The following ADCY1 variants were observed in gnomAD, a reference collection of about 807,000 sequenced individuals.
The protein encoded by ADCY1 is adenylate cyclase 1.
Under a neutral mutation model 105.4 loss-of-function variants are expected in ADCY1, and 28 were observed. The observed-to-expected ratio is 0.27, with a 90% confidence interval of 0.20 to 0.36. ADCY1 has a LOEUF of 0.36. ADCY1 is among the 10% of genes least tolerant of loss of function. The probability of loss-of-function intolerance (pLI) is 1.00; values close to 1 mark genes in which losing one functional copy is unlikely to be tolerated. For synonymous variants in ADCY1, 655 were observed against 623.8 expected, an observed-to-expected ratio of 1.05 and a Z score of -0.75; for missense variants, 977 against 1,434.2, an observed-to-expected ratio of 0.68 and a Z score of 5.15.
chr7:45,583,432 G>C (rs1792622581), intron 1 of ADCY1, among the ~76,000 whole-genome samples: 1 of 152,230 alleles, frequency 6.6e-6, no homozygotes, highest in African/African-American at 2.4e-5. Context: ...AGCACATTCT[G>C]AATCTGAGCA....
In ADCY1 at chr7:45,574,762, C is replaced by A. The variant is rs1309914397; in HGVS notation, c.219C>A (p.Gly73=). The A allele has an allele frequency of 1.4e-6, 2 of 1,435,484 alleles. No homozygotes were observed. Among genetic ancestry groups the A allele is most frequent in the Admixed American group, 3.2e-5 (1 of 30,890 alleles). 88.9% of individuals were successfully genotyped at this position (1,435,484 alleles called of 1,614,324 possible). The change falls in exon 1 of 20, where the codon GGC becomes GGA. Residue 73 remains glycine, a synonymous_variant. Transcript: ENST00000297323. The surrounding 1 kb of genome is among the most constrained non-coding windows in gnomAD (Gnocchi z 7.0). ...KALAVLSLLA[G]ALALAELLGA... ...TGGCCGTTCTCAGCCTGCTGGCGGG[C>A]GCGCTGGCGCTGGCCGAGCTGCTGG...
intron 11 of ADCY1, among the ~76,000 whole-genome samples, chr7:45,683,971 A>G (rs1251809627): frequency 6.6e-6 from 1 of 152,224 alleles, no homozygotes; most frequent in Admixed American, 6.5e-5. Context: ...AAGCGGGGGA[A>G]GCAGATGATG....
At chr7:45,605,023 A>G (rs1234435101) in intron 2 of ADCY1, among the ~76,000 whole-genome samples, 1 of 152,196 alleles carries the variant, frequency 6.6e-6, no homozygotes, top group Non-Finnish European at 1.5e-5. Context: ...GGTTTTTAAC[A>G]TACAAATCCT....
At chr7:45,711,769 A>G (rs1785243683) in intron 19 of ADCY1, among the ~76,000 whole-genome samples, 1 of 141,854 alleles carries the variant, frequency 7.0e-6, no homozygotes, top group East Asian at 2.0e-4. Flanking sequence ...ATATATGTGT[A>G]TATATACAGC....
intron 16 of ADCY1, among the ~76,000 whole-genome samples, chr7:45,704,063 T>TG (rs1785056897): frequency 6.6e-6 from 1 of 152,100 alleles, no homozygotes; most frequent in Non-Finnish European, 1.5e-5. Context: ...GGCAGGCAGG[T>TG]GGGTGCCTCC....
chr7:45,687,862 G>T (rs1784714487), intron 14 of ADCY1, among the ~76,000 whole-genome samples: 1 of 152,182 alleles, frequency 6.6e-6, no homozygotes, highest in Non-Finnish European at 1.5e-5. Flanking sequence ...GGCCAGGCAG[G>T]ACAAGAGCAT....
chr7:45,659,516 T>C (rs1795033675), intron 6 of ADCY1, among the ~76,000 whole-genome samples: 1 of 152,098 alleles, frequency 6.6e-6, no homozygotes, highest in Non-Finnish European at 1.5e-5. Context: ...GAAGATTGGG[T>C]TGGGGAGGCG....
rs1226135178 is a variant in ADCY1, at chr7:45,574,621, G to A, written c.78G>A (p.Gly26=). 4.2e-6 allele frequency: 5 copies of A among 1,186,600 alleles called. No homozygotes were observed. The East Asian group carries it at 1.5e-4, about 35-fold the overall frequency. The allele number at this position is 1,186,600 out of a possible 1,614,324, so 73.5% of individuals were successfully genotyped here. ...CCGGGGGCGCCGAGCGGGCGGCCGG[G>A]ACAAGCCGCCGGCGCGGGCTCCGGG... ...GEPGGAERAA[G]TSRRRGLRAC... Residue 26 remains glycine (G), a synonymous_variant, in exon 1 of 20, where the codon GGG becomes GGA. Coordinates refer to ENST00000297323, the MANE Select transcript of ADCY1 (RefSeq NM_021116.4). This position sits in a 1 kb window ranked among gnomAD's most constrained non-coding sequence, Gnocchi z 7.0.
rs1220973365 is a variant in ADCY1 at position 45,703,149 on chromosome 7, T to C, written c.2455-227T>C. Reference sequence around the variant, plus strand: ...TGAGGTGAAGCCATAGTTTGTCCTTTGGACATTCTAGCAGATGAGGTGGTG... The same window carrying C: ...TGAGGTGAAGCCATAGTTTGTCCTTCGGACATTCTAGCAGATGAGGTGGTG... On this transcript the variant is annotated intron_variant, in intron 14 of 19. Transcript: ENST00000297323. The surrounding 1 kb of genome is among the most constrained non-coding windows in gnomAD (Gnocchi z 5.9). 6.6e-6 allele frequency among the ~76,000 whole-genome samples: 1 copy of C among 152,162 alleles called. No homozygotes were observed. The highest frequency in any genetic ancestry group is 1.5e-5 in the Non-Finnish European group (1 of 68,032).
intron 1 of ADCY1, among the ~76,000 whole-genome samples, chr7:45,585,808 G>A (rs1343595407): frequency 6.6e-6 from 1 of 152,130 alleles, no homozygotes; most frequent in East Asian, 1.9e-4. Context: ...GTCAGAAATG[G>A]GCAGTGCCTG....
chr7:45,711,719 A>G (rs1331606976), intron 19 of ADCY1, among the ~76,000 whole-genome samples: 1 of 143,304 alleles, frequency 7.0e-6, no homozygotes, highest in Non-Finnish European at 1.5e-5. Flanking sequence ...ATATGTGTGT[A>G]TATACATATA....
intron 14 of ADCY1, among the ~76,000 whole-genome samples, chr7:45,694,004 T>C (rs1000522723): frequency 1.6e-5 from 2 of 127,982 alleles, no homozygotes; most frequent in African/African-American, 3.0e-5. Context: ...TTGGGAGACA[T>C]ACCTAATGCT....
At chr7:45,696,270 C>T (rs948803567) in intron 14 of ADCY1, among the ~76,000 whole-genome samples, 1 of 151,834 alleles carries the variant, frequency 6.6e-6, no homozygotes, top group African/African-American at 2.4e-5. Context: ...AATCCCGTCT[C>T]TACTAAAAAA....
chr7:45,620,256 G>T (rs973595178), intron 3 of ADCY1, among the ~76,000 whole-genome samples: 4 of 152,066 alleles, frequency 2.6e-5, no homozygotes, highest in African/African-American at 9.7e-5. Context: ...AAGAAATGGG[G>T]AATTACCAGT....
At chr7:45,664,430 C>T (rs1795215286) in intron 8 of ADCY1, 4 of 1,534,686 alleles carry the variant, frequency 2.6e-6, no homozygotes, top group Non-Finnish European at 3.5e-6. Flanking sequence ...TGAGCTCCTG[C>T]CATCAGCCCT....
chr7:45,664,405 C>G (rs773136918), intron 8 of ADCY1: 9 of 1,535,882 alleles, frequency 5.9e-6, no homozygotes, highest in Non-Finnish European at 7.8e-6. Flanking sequence ...GCCACTGTCA[C>G]CAGTGCTGCA....
intron 1 of ADCY1, among the ~76,000 whole-genome samples, chr7:45,587,713 G>A (rs1792774095): frequency 1.3e-5 from 2 of 152,120 alleles, no homozygotes; most frequent in African/African-American, 4.8e-5. Flanking sequence ...CTAGCATGAG[G>A]GATGCTAGTC....
chr7:45,706,563 A>G (rs58657786), intron 17 of ADCY1, among the ~76,000 whole-genome samples: 21,444 of 150,632 alleles, frequency 0.14, 1,638 homozygotes, highest in Middle Eastern at 0.17. Context: ...CTCAAAATTG[A>G]TAATAAGCCT....
chr7:45,705,569 A>G (rs1187726794), intron 17 of ADCY1, among the ~76,000 whole-genome samples: 2 of 152,250 alleles, frequency 1.3e-5, no homozygotes, highest in Non-Finnish European at 2.9e-5. Flanking sequence ...ATAGAAGACA[A>G]CACCTCAGTT....
Sources: allele counts gnomAD v4.1 joint callset (sites outside exome capture counted in the v4.1 genomes callset), GRCh38; gene constraint gnomAD v4.1.1; non-coding constraint Gnocchi (gnomAD v3.1); transcripts MANE v1.5; gene names NCBI Gene and HGNC (gene_info 2026-07-23, HGNC 2026-07-21).